The following PCDH9 variants were observed in gnomAD, a reference collection of about 807,000 sequenced individuals.
PCDH9 encodes protocadherin 9.
PCDH9 carries 24 observed loss-of-function variants against 70.6 expected under a neutral mutation model. The ratio of observed to expected loss-of-function variants is 0.34; its 90% CI spans 0.25 to 0.48. The LOEUF (loss-of-function observed/expected upper bound fraction) is 0.48, where lower values mean the gene tolerates loss of function less well. Ranked by LOEUF, PCDH9 falls within the 20% of genes least tolerant of loss-of-function variation. The probability of loss-of-function intolerance (pLI) is 0.99; values close to 1 mark genes in which losing one functional copy is unlikely to be tolerated. For synonymous variants in PCDH9, 562 were observed against 558.5 expected (o/e 1.01, Z -0.09); for missense variants, 1,281 against 1,503.6 (o/e 0.85, Z 2.45).
intron 4 of PCDH9, among the ~76,000 whole-genome samples, chr13:66,417,571 G>A (rs1194707050): frequency 6.6e-6 from 1 of 152,054 alleles, no homozygotes; most frequent in East Asian, 1.9e-4. Context: ...GTAGATCCTT[G>A]AGGAGTCACC....
chr13:66,421,203 A>AT (rs1489539386), intron 4 of PCDH9, among the ~76,000 whole-genome samples: 1 of 152,162 alleles, frequency 6.6e-6, no homozygotes, highest in Non-Finnish European at 1.5e-5. Flanking sequence ...CCTATGTTTG[A>AT]TTGGTATACC....
chr13:67,037,766 A>C (rs1458135664), intron 2 of PCDH9, among the ~76,000 whole-genome samples: 1 of 152,188 alleles, frequency 6.6e-6, no homozygotes, highest in Non-Finnish European at 1.5e-5. Context: ...GAAAGATGGA[A>C]ACTCGGGTGA....
intron 3 of PCDH9, among the ~76,000 whole-genome samples, chr13:66,812,319 T>G (rs1386231246): frequency 1.3e-5 from 2 of 152,060 alleles, no homozygotes; most frequent in Non-Finnish European, 2.9e-5. Context: ...AAATGGATAG[T>G]ACTAAACTAG....
At chr13:66,566,657 AAT>A (rs1357873635) in intron 4 of PCDH9, among the ~76,000 whole-genome samples, 3 of 152,154 alleles carry the variant, frequency 2.0e-5, no homozygotes, top group Admixed American at 6.5e-5. Flanking sequence ...TCAGGAATTT[AAT>A]AGTTGATATG....
chr13:66,379,170 G>A (rs1272571507), intron 4 of PCDH9, among the ~76,000 whole-genome samples: 1 of 152,164 alleles, frequency 6.6e-6, no homozygotes, highest in Non-Finnish European at 1.5e-5. Context: ...CTGCTGCATG[G>A]GCATAGGTAA....
At chr13:67,198,510 C>G (rs1458527048) in intron 2 of PCDH9, among the ~76,000 whole-genome samples, 2 of 151,888 alleles carry the variant, frequency 1.3e-5, no homozygotes, top group Non-Finnish European at 2.9e-5. Context: ...AACAAACAAA[C>G]AGTCACCTTA....
chr13:66,567,352 T>C (rs1566423622), intron 4 of PCDH9, among the ~76,000 whole-genome samples: 1 of 152,090 alleles, frequency 6.6e-6, no homozygotes, highest in Non-Finnish European at 1.5e-5. Context: ...TTTTAAAGGG[T>C]TATTGTCCAT....
Position 66,835,410 on chromosome 13 carries a change from T to C in PCDH9, c.3138+68094A>G, listed in dbSNP as rs145590639. Among the ~76,000 whole-genome samples, 236 of 152,286 alleles carry C rather than the reference T, an allele frequency of 1.5e-3. 1 individual carries two copies. The highest frequency in any genetic ancestry group is 5.3e-3 in the African/African-American group (222 of 41,566). On this transcript the variant is annotated intron_variant, in intron 3 of 4. Coordinates refer to ENST00000377865, the MANE Select transcript of PCDH9 (RefSeq NM_203487.3). ...TTCCAAAGTGTCCCCAGGAAGGGAATATAAAATGGTGATGGTGATATGGCA... is the reference window on the plus strand; with the variant it reads ...TTCCAAAGTGTCCCCAGGAAGGGAACATAAAATGGTGATGGTGATATGGCA...
chr13:66,402,395 A>C (rs1957203936), intron 4 of PCDH9, among the ~76,000 whole-genome samples: 1 of 152,128 alleles, frequency 6.6e-6, no homozygotes, highest in Non-Finnish European at 1.5e-5. Flanking sequence ...AAAAGCTTGC[A>C]TAAGAAATAT....
At chr13:66,427,159 A>T (rs1957685355) in intron 4 of PCDH9, among the ~76,000 whole-genome samples, 1 of 151,660 alleles carries the variant, frequency 6.6e-6, no homozygotes, top group Non-Finnish European at 1.5e-5. Flanking sequence ...ATAAAAATAG[A>T]GATGGTCATA....
At chr13:66,678,648 C>T (rs2078276309) in intron 3 of PCDH9, among the ~76,000 whole-genome samples, 1 of 151,950 alleles carries the variant, frequency 6.6e-6, no homozygotes, top group Non-Finnish European at 1.5e-5. Context: ...ATGCTTAACA[C>T]ACTTAAAAAC....
At chr13:66,708,676 A>C (rs79688452) in intron 3 of PCDH9, among the ~76,000 whole-genome samples, 1 of 152,158 alleles carries the variant, frequency 6.6e-6, no homozygotes, top group Non-Finnish European at 1.5e-5. Flanking sequence ...TGGAAGATAC[A>C]TGGCTTCCTC....
At chr13:66,546,448 G>A (rs924253836) in intron 4 of PCDH9, among the ~76,000 whole-genome samples, 1 of 151,916 alleles carries the variant, frequency 6.6e-6, no homozygotes, top group African/African-American at 2.4e-5. Flanking sequence ...AATAGAAAAA[G>A]CCTTATAGAA....
chr13:67,021,953 C>G (rs1333977662), intron 2 of PCDH9, among the ~76,000 whole-genome samples: 2 of 151,288 alleles, frequency 1.3e-5, no homozygotes, highest in Non-Finnish European at 3.0e-5. Flanking sequence ...TATAACATAC[C>G]ACTTGGATTT....
At chr13:66,987,739 C>T (rs548363634) in intron 2 of PCDH9, among the ~76,000 whole-genome samples, 2 of 151,700 alleles carry the variant, frequency 1.3e-5, no homozygotes, top group East Asian at 3.9e-4. Flanking sequence ...GATGAACAGG[C>T]TGGGAGATAT....
At position 67,215,850 on chromosome 13, in the gene PCDH9, G is replaced by A. The variant is rs1382762801; in HGVS notation, c.3036+9555C>T. On this transcript the variant is annotated intron_variant, in intron 2 of 4. Transcript: ENST00000377865. ...AGTTCACTCTTTTCAGCACTGTTGT[G>A]GGTTCAGTGTTAGAAATACAAAGGT... is the stretch of plus-strand genomic sequence containing the variant. 4 of 152,152 alleles carry A rather than the reference G, an allele frequency of 2.6e-5. No individual in the cohort carries two copies. The East Asian group carries it at 7.7e-4, about 29-fold the overall frequency. The allele number at this position is 152,152 out of a possible 1,614,324, so 9.4% of individuals were successfully genotyped here.
chr13:66,766,087 G>T (rs1360731666), intron 3 of PCDH9, among the ~76,000 whole-genome samples: 2 of 151,930 alleles, frequency 1.3e-5, no homozygotes, highest in Non-Finnish European at 2.9e-5. Flanking sequence ...ATTCCAAAGA[G>T]ATATTTAATA....
intron 2 of PCDH9, among the ~76,000 whole-genome samples, chr13:67,134,987 C>T (rs1046616844): frequency 6.6e-6 from 1 of 152,016 alleles, no homozygotes; most frequent in African/African-American, 2.4e-5. Flanking sequence ...GAAAACTTTC[C>T]AGTCCCTTGT....
intron 4 of PCDH9, among the ~76,000 whole-genome samples, chr13:66,551,916 CTGAG>C (rs1273214909): frequency 2.6e-5 from 4 of 151,982 alleles, no homozygotes; most frequent in Non-Finnish European, 4.4e-5. Flanking sequence ...AGATTTTGTC[CTGAG>C]TGAGAGACGT....
Sources: allele counts gnomAD v4.1 joint callset (sites outside exome capture counted in the v4.1 genomes callset), GRCh38; gene constraint gnomAD v4.1.1; transcripts MANE v1.5; gene names NCBI Gene and HGNC (gene_info 2026-07-23, HGNC 2026-07-21).